AASDH: variants seen among roughly 807,000 people sequenced by gnomAD.
AASDH encodes aminoadipate-semialdehyde dehydrogenase.
In AASDH, 81 loss-of-function variants were observed where a neutral mutation model predicts 102.3. The ratio of observed to expected loss-of-function variants is 0.79; its 90% CI spans 0.66 to 0.95. The LOEUF (loss-of-function observed/expected upper bound fraction) is 0.95. Ranked by LOEUF, AASDH falls within the 40% of genes least tolerant of loss-of-function variation. The probability of loss-of-function intolerance (pLI) is 0.00; values close to 1 mark genes in which losing one functional copy is unlikely to be tolerated. For synonymous variants in AASDH, 398 were observed against 454.0 expected, an observed-to-expected ratio of 0.88 and a Z score of 1.57; for missense variants, 1,203 against 1,266.2, an observed-to-expected ratio of 0.95 and a Z score of 0.76.
intron 4 of AASDH, among the ~76,000 whole-genome samples, chr4:56,377,109 C>A (rs921715914): frequency 1.8e-4 from 24 of 132,086 alleles, no homozygotes; most frequent in Non-Finnish European, 2.6e-4. Flanking sequence ...ATAAAATTAA[C>A]TTCACTTGAT....
chr4:56,343,593 G>A lies in AASDH; in HGVS notation c.2744C>T (p.Thr915Ile). 1.2e-6 allele frequency: 2 copies of A among 1,609,948 alleles called. No homozygotes were observed. Among genetic ancestry groups the A allele is most frequent in the Non-Finnish European group, 8.5e-7 (1 of 1,177,708 alleles). ...TACAGCCAGTAAAAGTCCTCCCAATGTAGCAAAATACAAATGATGTGGAAT... is the reference window on the plus strand; with the variant it reads ...TACAGCCAGTAAAAGTCCTCCCAATATAGCAAAATACAAATGATGTGGAAT... ...NLIPHHLYFA[T>I]LGGLLLAVNP... is the part of the protein sequence containing the mutation. The change falls in exon 13 of 15, where the codon ACA becomes ATA. Residue 915 changes from threonine to isoleucine, a missense_variant. By Grantham distance (89) the Thr-to-Ile change is moderately conservative. Coordinates refer to ENST00000205214, the MANE Select transcript of AASDH (RefSeq NM_181806.4).
chr4:56,362,546 T>C (rs1750432927), intron 5 of AASDH, among the ~76,000 whole-genome samples: 1 of 152,206 alleles, frequency 6.6e-6, no homozygotes, highest in Non-Finnish European at 1.5e-5. Flanking sequence ...ATTACAGGCG[T>C]GAGCCACCGT....
At position 56,357,110 on chromosome 4, in the gene AASDH, C is replaced by G. The variant is rs148413298; in HGVS notation, c.862-1687G>C. Among the ~76,000 whole-genome samples the G allele has an allele frequency of 4.3e-3, 647 of 152,116 alleles. 3 individuals carry two copies. Among genetic ancestry groups the G allele is most frequent in the African/African-American group, 0.015 (628 of 41,478 alleles). ...CAATTTAATATGTTTTATGTATATACTAGTAAAACCATCACCACAATCAAA... is the reference window on the plus strand; with the variant it reads ...CAATTTAATATGTTTTATGTATATAGTAGTAAAACCATCACCACAATCAAA... On this transcript the variant is annotated intron_variant, in intron 5 of 14. Coordinates refer to ENST00000205214, the MANE Select transcript of AASDH (RefSeq NM_181806.4).
At chr4:56,379,537 C>T (rs773051470) in intron 3 of AASDH, among the ~76,000 whole-genome samples, 1 of 151,992 alleles carries the variant, frequency 6.6e-6, no homozygotes, top group African/African-American at 2.4e-5. Flanking sequence ...GGGGGAAGTA[C>T]TTGCTGTATA....
chr4:56,368,793 A>G (rs1466957121), intron 5 of AASDH, among the ~76,000 whole-genome samples: 1 of 151,488 alleles, frequency 6.6e-6, no homozygotes, highest in Non-Finnish European at 1.5e-5. Flanking sequence ...TGGGTGCAGC[A>G]CACCAACATG....
At chr4:56,343,022 C>T (rs1747889528) in intron 13 of AASDH, 56 bp from the exon 14 acceptor site, 2 of 1,438,142 alleles carry the variant, frequency 1.4e-6, no homozygotes, top group South Asian at 3.0e-5. Context: ...AATCAGTTAC[C>T]CTTTAAAAAA....
intron 4 of AASDH, among the ~76,000 whole-genome samples, chr4:56,375,172 C>G (rs1578055371): frequency 6.6e-6 from 1 of 152,114 alleles, no homozygotes; most frequent in Admixed American, 6.5e-5. Context: ...TCACTGCAGC[C>G]TCAAACTCCT....
At chr4:56,343,090 T>G (rs1012478241) in intron 13 of AASDH, 124 bp from the exon 14 acceptor site, 6 of 933,372 alleles carry the variant, frequency 6.4e-6, no homozygotes, top group Non-Finnish European at 8.7e-6. Context: ...TGTAGTGGTA[T>G]GCAGACATAA....
chr4:56,361,518 T>A (rs1750295076), intron 5 of AASDH, among the ~76,000 whole-genome samples: 1 of 152,072 alleles, frequency 6.6e-6, no homozygotes, highest in Non-Finnish European at 1.5e-5. Flanking sequence ...TGCTAGTAAA[T>A]CATTCTAGAC....
chr4:56,386,796 T>A lies in AASDH; in HGVS notation c.-43+566A>T, dbSNP rs1753606698. Among the ~76,000 whole-genome samples, 4 of 20,850 alleles carry A rather than the reference T, an allele frequency of 1.9e-4. No individual in the cohort carries two copies. In the South Asian group the frequency reaches 7.5e-3, roughly 39 times the overall value. The allele number at this position is 20,850 out of a possible 152,430, so 13.7% of individuals were successfully genotyped here. ...GCCTGGGCGACAGAGCGAGACTCCG[T>A]CTCAAAAAAAAAAAAAAAAAAAAAA... On this transcript the variant is annotated intron_variant, in intron 1 of 14. Coordinates refer to ENST00000205214, the MANE Select transcript of AASDH (RefSeq NM_181806.4).
At position 56,384,203 on chromosome 4, in the gene AASDH, A is replaced by G. The variant is rs781225204; in HGVS notation, c.97T>C (p.Tyr33His). ...GCATTAACCACAGTCTTGTAGGTGT[A>G]GTAAACTGGAAGCTGGTTGTTGCAT... ...DECNNQLPVY[Y>H]TYKTVVNAAS... is the part of the protein sequence containing the mutation. The change falls in exon 2 of 15, where the codon TAC becomes CAC. Residue 33 changes from tyrosine (Y) to histidine (H), a missense_variant. Physicochemically the swap from Tyr to His is moderately conservative, Grantham distance 83. Transcript: ENST00000205214. 2 of 1,614,198 alleles carry G rather than the reference A, an allele frequency of 1.2e-6. No individual in the cohort carries two copies. Among genetic ancestry groups the G allele is most frequent in the Admixed American group, 3.3e-5 (2 of 60,020 alleles).
At chr4:56,372,136 G>C (rs1751792926) in intron 4 of AASDH, among the ~76,000 whole-genome samples, 1 of 152,188 alleles carries the variant, frequency 6.6e-6, no homozygotes, top group South Asian at 2.1e-4. Context: ...AAGGCCTTTA[G>C]AAGAAGTTTT....
At chr4:56,351,917 CAAAAA>C (rs34850926) in intron 9 of AASDH, among the ~76,000 whole-genome samples, 1 of 99,438 alleles carries the variant, frequency 1.0e-5, no homozygotes. Context: ...ACCCTATCTC[CAAAAA>C]AAAAAAAAAA....
At position 56,344,697 on chromosome 4, in the gene AASDH, C is replaced by A. The variant is rs549746438; in HGVS notation, c.2652+430G>T. ...ACTGTCAAGATGATAATCCTAAATT[C>A]TTTAATTCCAAAACTCTGAGTAGCA... On this transcript the variant is annotated intron_variant, in intron 12 of 14. Coordinates refer to ENST00000205214, the MANE Select transcript of AASDH (RefSeq NM_181806.4). 2.3e-3 allele frequency among the ~76,000 whole-genome samples: 354 copies of A among 152,084 alleles called. 2 individuals carry two copies. The highest frequency in any genetic ancestry group is 3.4e-3 in the Middle Eastern group (1 of 294).
chr4:56,344,945 T>C (rs866164715), intron 12 of AASDH, among the ~76,000 whole-genome samples, 182 bp downstream of exon 12: 139 of 147,090 alleles, frequency 9.4e-4, no homozygotes, highest in South Asian at 3.0e-3. Flanking sequence ...TCTTTCTTTT[T>C]TTTTTTTTTT....
At chr4:56,341,835 G>A (rs993216117) in intron 14 of AASDH, among the ~76,000 whole-genome samples, 1 of 151,918 alleles carries the variant, frequency 6.6e-6, no homozygotes, top group Non-Finnish European at 1.5e-5. Flanking sequence ...TTGGGGGCCG[G>A]GCGTGGTGGC....
chr4:56,347,543 G>A (rs1379673540), intron 11 of AASDH, among the ~76,000 whole-genome samples: 1 of 152,158 alleles, frequency 6.6e-6, no homozygotes, highest in Non-Finnish European at 1.5e-5. Context: ...TAGAGTAAAA[G>A]TCACCTATAC....
intron 13 of AASDH, 67 bp from the exon 14 acceptor site, chr4:56,343,033 C>A: frequency 1.5e-6 from 2 of 1,371,998 alleles, no homozygotes; most frequent in Non-Finnish European, 1.9e-6. Context: ...CTTTAAAAAA[C>A]AAACTCATAC....
chr4:56,377,642 G>A (rs1183354985), intron 4 of AASDH, among the ~76,000 whole-genome samples: 1 of 152,140 alleles, frequency 6.6e-6, no homozygotes, highest in Non-Finnish European at 1.5e-5. Context: ...CTGGCCCTAG[G>A]CTTGGATGAA....
Sources: gnomAD v4.1 joint callset for allele counts (sites outside exome capture counted in the v4.1 genomes callset) on GRCh38, gnomAD v4.1.1 for gene constraint, MANE v1.5 for transcripts, NCBI Gene and HGNC (gene_info 2026-07-23, HGNC 2026-07-21) for gene names.